Variants in AKR1D1 observed in about 807,000 individuals in gnomAD.
The protein encoded by AKR1D1 is delta(4)-3-ketosteroid 5-beta-reductase.
AKR1D1 carries 32 observed loss-of-function variants against 42.6 expected under a neutral mutation model. The ratio of observed to expected loss-of-function variants is 0.75; its 90% CI spans 0.57 to 1.01. The LOEUF (loss-of-function observed/expected upper bound fraction) is 1.01, where lower values mean the gene tolerates loss of function less well. AKR1D1 is among the 50% of genes least tolerant of loss of function. AKR1D1 has a pLI of 0.00. For synonymous variants in AKR1D1, 123 were observed against 135.5 expected, an observed-to-expected ratio of 0.91 and a Z score of 0.64; for missense variants, 364 against 402.2, an observed-to-expected ratio of 0.91 and a Z score of 0.81.
intron 7 of AKR1D1, among the ~76,000 whole-genome samples, chr7:138,110,896 T>G (rs1010207140): frequency 2.6e-5 from 4 of 152,182 alleles, no homozygotes; most frequent in African/African-American, 4.8e-5. Flanking sequence ...CCAGCTTTGT[T>G]GCCATCATCC....
At chr7:138,080,271 T>C (rs1045054655) in intron 1 of AKR1D1, among the ~76,000 whole-genome samples, 3 of 152,208 alleles carry the variant, frequency 2.0e-5, no homozygotes, top group South Asian at 4.1e-4. Flanking sequence ...GGTATCTCTA[T>C]GTTGCCCAGG....
chr7:138,084,672 T>A (rs1803131867), intron 1 of AKR1D1, among the ~76,000 whole-genome samples: 1 of 152,222 alleles, frequency 6.6e-6, no homozygotes, highest in African/African-American at 2.4e-5. Flanking sequence ...TTATGTGGTA[T>A]CCTATTTGAT....
At chr7:138,087,092 G>A (rs1349675239) in intron 1 of AKR1D1, among the ~76,000 whole-genome samples, 2 of 152,176 alleles carry the variant, frequency 1.3e-5, no homozygotes, top group Middle Eastern at 3.2e-3. Context: ...AAAGAACAGA[G>A]GTTTATTCTC....
chr7:138,084,441 A>G (rs1297536837), intron 1 of AKR1D1, among the ~76,000 whole-genome samples: 1 of 148,952 alleles, frequency 6.7e-6, no homozygotes, highest in Admixed American at 6.7e-5. Context: ...CTGTTCTCAA[A>G]CTCCTGGGCT....
chr7:138,090,879 T>C (rs566076244), intron 2 of AKR1D1, among the ~76,000 whole-genome samples: 1 of 152,254 alleles, frequency 6.6e-6, no homozygotes, highest in South Asian at 2.1e-4. Context: ...GGGGTCTAAG[T>C]AGGACCAAAT....
chr7:138,084,483 C>T (rs570511487), intron 1 of AKR1D1, among the ~76,000 whole-genome samples: 17 of 151,882 alleles, frequency 1.1e-4, no homozygotes, highest in African/African-American at 2.2e-4. Context: ...CCTCCCAAAG[C>T]GCTGGGATTA....
intron 3 of AKR1D1, among the ~76,000 whole-genome samples, chr7:138,094,905 TCAAG>T (rs1046871551): frequency 6.6e-6 from 1 of 152,208 alleles, no homozygotes; most frequent in African/African-American, 2.4e-5. Context: ...TTTTTAAGTG[TCAAG>T]CAGACAGAAT....
chr7:138,100,974 G>T (rs1475442472), intron 4 of AKR1D1, among the ~76,000 whole-genome samples: 1 of 151,994 alleles, frequency 6.6e-6, no homozygotes, highest in African/African-American at 2.4e-5. Flanking sequence ...AAAGTGCTGA[G>T]ATTATAGGCA....
At chr7:138,109,870 G>C (rs1245139231) in intron 7 of AKR1D1, among the ~76,000 whole-genome samples, 1 of 152,128 alleles carries the variant, frequency 6.6e-6, no homozygotes, top group Admixed American at 6.6e-5. Flanking sequence ...CTTTGCGATG[G>C]AAAGCATTTG....
At chr7:138,088,468 A>G in intron 1 of AKR1D1, 133 bp from the exon 2 acceptor site, 4 of 1,123,962 alleles carry the variant, frequency 3.6e-6, no homozygotes, top group Non-Finnish European at 3.9e-6. Flanking sequence ...CCATCTTCCA[A>G]TCACAACAGC....
chr7:138,098,554 G>A (rs2117446345), intron 4 of AKR1D1, among the ~76,000 whole-genome samples: 1 of 152,270 alleles, frequency 6.6e-6, no homozygotes, highest in South Asian at 2.1e-4. Context: ...AGGTTGCAGT[G>A]AGCCGAGATC....
rs1293720571 is a variant in AKR1D1 at position 138,097,978 on chromosome 7, A to G, written c.456+35A>G. 2.7e-6 allele frequency: 4 copies of G among 1,457,894 alleles called. No homozygotes were observed. The African/African-American group carries it at 4.2e-5, about 15-fold the overall frequency. 90.3% of individuals were successfully genotyped at this position (1,457,894 alleles called of 1,614,324 possible). On this transcript the variant is annotated intron_variant, in intron 4 of 8. Transcript: ENST00000242375. ...AATGTGCTTCTTATTTTAAAAGACG[A>G]TATTTTTAAAACTGTGATCTGATTA...
In AKR1D1 at chr7:138,117,305, A is replaced by T. The variant is rs531892914; in HGVS notation, c.*643A>T. On this transcript the variant is annotated 3_prime_UTR_variant, in exon 9 of 9. Transcript: ENST00000242375. ...ACCTGAGGAATGAAAACTTAACTGG[A>T]TCTCTCTTGCATCCTTAAAGGGCCT... 2 of 152,998 alleles carry T rather than the reference A, an allele frequency of 1.3e-5. No homozygotes were observed. Among genetic ancestry groups the T allele is most frequent in the East Asian group, 3.9e-4 (2 of 5,190 alleles). The allele number at this position is 152,998 out of a possible 1,614,324, so 9.5% of individuals were successfully genotyped here.
intron 3 of AKR1D1, among the ~76,000 whole-genome samples, chr7:138,094,506 C>A (rs1794146699): frequency 6.6e-6 from 1 of 151,836 alleles, no homozygotes; most frequent in Non-Finnish European, 1.5e-5. Flanking sequence ...CAGAGCAAGA[C>A]CCTGTCTTGG....
In AKR1D1 at chr7:138,105,398, C is replaced by T; in HGVS notation, c.548C>T (p.Pro183Leu). Residue 183 changes from proline to leucine, a missense_variant, in exon 5 of 9, where the codon CCA (proline) becomes CTA (leucine). Physicochemically the swap from Pro to Leu is moderately conservative, Grantham distance 98. Transcript: ENST00000242375. ...CAGCTGGAGCTCATCCTGAACAAGC[C>T]AGGACTCAAACACAAGCCAGTCAGC... ...RRQLELILNK[P>L]GLKHKPVSNQ... is the part of the protein sequence containing the mutation. The T allele has an allele frequency of 6.2e-7, 1 of 1,613,994 alleles. No homozygotes were observed. The highest frequency in any genetic ancestry group is 8.5e-7 in the Non-Finnish European group (1 of 1,179,990).
chr7:138,084,831 G>A (rs1211735725), intron 1 of AKR1D1, among the ~76,000 whole-genome samples: 3 of 152,014 alleles, frequency 2.0e-5, no homozygotes, highest in African/African-American at 7.2e-5. Flanking sequence ...GCTGAGGCGG[G>A]CAGATCACAA....
In AKR1D1 at chr7:138,091,748, T is replaced by G; in HGVS notation, c.262-20T>G. The G allele has an allele frequency of 1.3e-6, 2 of 1,545,716 alleles. No homozygotes were observed. Among genetic ancestry groups the G allele is most frequent in the Non-Finnish European group, 1.8e-6 (2 of 1,117,784 alleles). ...AAAGCGTGTAGACATTAGTTAATTCTCCCTCTTTGATTCTTTCAGCTATGG... is the reference window on the plus strand; with the variant it reads ...AAAGCGTGTAGACATTAGTTAATTCGCCCTCTTTGATTCTTTCAGCTATGG... On this transcript the variant is annotated intron_variant, in intron 2 of 8. Transcript: ENST00000242375.
At chr7:138,109,349 CCTCT>C (rs147772842) in intron 7 of AKR1D1, among the ~76,000 whole-genome samples, 1 of 151,888 alleles carries the variant, frequency 6.6e-6, no homozygotes, top group Non-Finnish European at 1.5e-5. Context: ...GAGATTTAGT[CCTCT>C]CTCTCTCTCC....
At chr7:138,113,957 A>G (rs41274197) in intron 8 of AKR1D1, among the ~76,000 whole-genome samples, 185 bp downstream of exon 8, 328 of 152,302 alleles carry the variant, frequency 2.2e-3, no homozygotes, top group Non-Finnish European at 3.0e-3. Context: ...CCACAACCCT[A>G]CACTCTCACT....
Sources: gnomAD v4.1 joint callset for allele counts (sites outside exome capture counted in the v4.1 genomes callset) on GRCh38, gnomAD v4.1.1 for gene constraint, MANE v1.5 for transcripts, NCBI Gene and HGNC (gene_info 2026-07-23, HGNC 2026-07-21) for gene names.